The following PCDHA8 variants were observed in gnomAD, a reference collection of about 807,000 sequenced individuals.
PCDHA8 encodes the protein protocadherin alpha-8.
Under a neutral mutation model 61.8 loss-of-function variants are expected in PCDHA8, and 53 were observed. That is an observed-to-expected ratio of 0.86 (90% CI 0.69 to 1.08). The LOEUF (loss-of-function observed/expected upper bound fraction) is 1.08, where lower values mean the gene tolerates loss of function less well. PCDHA8 is among the 50% of genes least tolerant of loss of function. The pLI is 0.00. For synonymous variants in PCDHA8, 618 were observed against 556.6 expected (o/e 1.11, Z -1.55); for missense variants, 1,293 against 1,245.0 (o/e 1.04, Z -0.58).
At chr5:140,856,393 T>A in intron 1 of PCDHA8, 1 of 1,598,412 alleles carries the variant, frequency 6.3e-7, no homozygotes, top group African/African-American at 1.3e-5. Flanking sequence ...CGCTGCAGGT[T>A]TTCCATGTGG....
intron 1 of PCDHA8, among the ~76,000 whole-genome samples, chr5:140,907,880 A>G (rs2073662183): frequency 6.6e-6 from 1 of 152,236 alleles, no homozygotes; most frequent in Non-Finnish European, 1.5e-5. Flanking sequence ...GAGCACTCAC[A>G]TGGGATACAA....
At chr5:140,919,183 A>T (rs2079029188) in intron 1 of PCDHA8, among the ~76,000 whole-genome samples, 1 of 152,104 alleles carries the variant, frequency 6.6e-6, no homozygotes, top group Non-Finnish European at 1.5e-5. Context: ...TATCTTCCTG[A>T]TTGGTCCTTT....
intron 1 of PCDHA8, among the ~76,000 whole-genome samples, chr5:140,900,528 C>T (rs1261076566): frequency 2.6e-5 from 4 of 152,214 alleles, no homozygotes; most frequent in South Asian, 4.1e-4. Flanking sequence ...CTGCCCACCT[C>T]GGCTTTCCAA....
chr5:140,869,737 C>T (rs781857700), intron 1 of PCDHA8: 4 of 1,613,276 alleles, frequency 2.5e-6, no homozygotes, highest in Admixed American at 1.7e-5. Context: ...TAATTTGCTG[C>T]TAACAGCTAC....
intron 1 of PCDHA8, chr5:140,856,399 T>C (rs782023286): frequency 6.3e-7 from 1 of 1,598,492 alleles, no homozygotes; most frequent in Non-Finnish European, 8.6e-7. Context: ...AGGTTTTCCA[T>C]GTGGACGTGG....
At position 140,880,762 on chromosome 5, in the gene PCDHA8, G is replaced by A. The variant is rs2153374847; in HGVS notation, c.2394+37047G>A. 3.9e-5 allele frequency among the ~76,000 whole-genome samples: 6 copies of A among 152,350 alleles called. No homozygotes were observed. The Middle Eastern group carries it at 0.014, about 345-fold the overall frequency. On this transcript the variant is annotated intron_variant, in intron 1 of 3. Coordinates refer to ENST00000531613, the MANE Select transcript of PCDHA8 (RefSeq NM_018911.3). ...GGATTGTCAGTGTAACTGCGTGTTGGAGGCTAAAAAGAATGTTAGAGGAGT... is the reference window on the plus strand; with the variant it reads ...GGATTGTCAGTGTAACTGCGTGTTGAAGGCTAAAAAGAATGTTAGAGGAGT...
chr5:140,871,017 G>C, intron 1 of PCDHA8: 2 of 1,613,298 alleles, frequency 1.2e-6, no homozygotes, highest in Non-Finnish European at 8.5e-7. Flanking sequence ...CCCTGGACGA[G>C]GCAGACTCGC....
intron 3 of PCDHA8, among the ~76,000 whole-genome samples, chr5:140,986,690 AAC>A (rs2097209708): frequency 6.6e-6 from 1 of 152,172 alleles, no homozygotes; most frequent in South Asian, 2.1e-4. Context: ...AAAGTTTCAA[AAC>A]ACACAGCACT....
intron 1 of PCDHA8, chr5:140,850,559 C>T (rs2150489407): frequency 1.9e-6 from 3 of 1,598,268 alleles, no homozygotes; most frequent in Non-Finnish European, 2.6e-6. Context: ...GTGCCACGGG[C>T]CCCGAGGTGA....
chr5:140,941,175 C>G (rs1344326389), intron 1 of PCDHA8, among the ~76,000 whole-genome samples: 1 of 145,416 alleles, frequency 6.9e-6, no homozygotes, highest in Admixed American at 6.8e-5. Flanking sequence ...CCATCTTGAA[C>G]ATCCTGCTTC....
intron 1 of PCDHA8, among the ~76,000 whole-genome samples, chr5:140,935,702 T>C (rs975188692): frequency 1.3e-5 from 2 of 152,152 alleles, no homozygotes; most frequent in Admixed American, 1.3e-4. Context: ...AATAAACTTA[T>C]AAAACAAAAT....
rs1554262965 is a variant in PCDHA8 at position 141,010,497 on chromosome 5, T to A, written c.*560T>A. Reference sequence around the variant, plus strand: ...AAGTGTAAACTTAAAGGGACCAGACTTTCTAAATCTTACAACTCAAGAGGT... The same window carrying A: ...AAGTGTAAACTTAAAGGGACCAGACATTCTAAATCTTACAACTCAAGAGGT... On this transcript the variant is annotated 3_prime_UTR_variant, in exon 4 of 4. Coordinates refer to ENST00000531613, the MANE Select transcript of PCDHA8 (RefSeq NM_018911.3). The A allele has an allele frequency of 1.7e-6, 1 of 584,358 alleles. No homozygotes were observed. Among genetic ancestry groups the A allele is most frequent in the African/African-American group, 1.9e-5 (1 of 53,100 alleles). 36.2% of individuals were successfully genotyped at this position (584,358 alleles called of 1,614,324 possible).
chr5:140,855,885 A>C lies in PCDHA8; in HGVS notation c.2394+12170A>C, dbSNP rs182267691. The C allele has an allele frequency of 1.4e-3, 1,364 of 972,052 alleles. 77 individuals carry two copies. Among genetic ancestry groups the C allele is most frequent in the Non-Finnish European group, 3.0e-4 (200 of 667,108 alleles). The allele number at this position is 972,052 out of a possible 1,614,324, so 60.2% of individuals were successfully genotyped here. On this transcript the variant is annotated intron_variant, in intron 1 of 3. Coordinates refer to ENST00000531613, the MANE Select transcript of PCDHA8 (RefSeq NM_018911.3). ...TGTCGTCCACAAAATAGCTTTTTAG[A>C]ACAAAGGCATCAGCCAGTTTCTCAA...
chr5:140,870,915 G>A (rs1554164824), intron 1 of PCDHA8: 4 of 1,613,830 alleles, frequency 2.5e-6, no homozygotes, highest in Non-Finnish European at 3.4e-6. Flanking sequence ...GCTACAACGC[G>A]TGGCTTTCAT....
intron 3 of PCDHA8, among the ~76,000 whole-genome samples, chr5:140,999,429 A>G (rs1554256798): frequency 6.6e-6 from 1 of 152,190 alleles, no homozygotes. Flanking sequence ...GAGGCCAAGT[A>G]CCTTGCCTCT....
chr5:140,929,440 CCTT>C, intron 1 of PCDHA8: 2 of 1,448,524 alleles, frequency 1.4e-6, no homozygotes, highest in Non-Finnish European at 1.8e-6. Flanking sequence ...ACTAAACACT[CCTT>C]CTTAGCACTT....
rs1210767626 is a variant in PCDHA8 at position 141,010,197 on chromosome 5, C to G, written c.*260C>G. 83 of 1,552,082 alleles carry G rather than the reference C, an allele frequency of 5.3e-5. No homozygotes were observed. Among genetic ancestry groups the G allele is most frequent in the Non-Finnish European group, 6.6e-5 (76 of 1,147,118 alleles). On this transcript the variant is annotated 3_prime_UTR_variant, in exon 4 of 4. Coordinates refer to ENST00000531613, the MANE Select transcript of PCDHA8 (RefSeq NM_018911.3). ...AAAAGCAGACCCAAGTTTCCTTTCT[C>G]CTCCGCCGCAAAGGAGAGGCTTCCC...
chr5:140,855,925 C>T, intron 1 of PCDHA8: 2 of 1,240,614 alleles, frequency 1.6e-6, no homozygotes, highest in Admixed American at 2.5e-5. Flanking sequence ...TAGGAAGTAG[C>T]GTCATTCTGA....
rs1056248774 is a variant in PCDHA8, at chr5:140,862,628, G to A, written c.2394+18913G>A. On this transcript the variant is annotated intron_variant, in intron 1 of 3. Coordinates refer to ENST00000531613, the MANE Select transcript of PCDHA8 (RefSeq NM_018911.3). The stretch of plus-strand genomic sequence containing the variant: ...GTGAAAGGTAACAACCCGCGGGGCT[G>A]CCACGACTTCACAGTGTCCGCGCGG... The A allele has an allele frequency of 9.4e-6, 5 of 534,028 alleles. No individual in the cohort carries two copies. In the Admixed American group the frequency reaches 9.7e-5, roughly 10 times the overall value. 33.1% of individuals were successfully genotyped at this position (534,028 alleles called of 1,614,324 possible). A position where few individuals can be genotyped will look rare whatever the true frequency, so the allele number is the denominator to read the frequency against.
Sources: allele counts gnomAD v4.1 joint callset (sites outside exome capture counted in the v4.1 genomes callset), GRCh38; gene constraint gnomAD v4.1.1; transcripts MANE v1.5; gene names NCBI Gene and HGNC (gene_info 2026-07-23, HGNC 2026-07-21).